The following TC2N variants were observed in gnomAD, a reference collection of about 807,000 sequenced individuals.
TC2N encodes the protein tandem C2 domains, nuclear, also known as tandem C2 domains nuclear protein.
A neutral mutation model predicts 61.9 loss-of-function variants in TC2N; 51 were observed. The ratio of observed to expected loss-of-function variants is 0.82; its 90% CI spans 0.66 to 1.04. The LOEUF is 1.04. Among genes scored for constraint, TC2N ranks in the 50% least tolerant of loss-of-function variants. The pLI is 0.00. For missense variants in TC2N, 556 were observed against 566.7 expected (o/e 0.98, Z 0.19); for synonymous variants, 204 against 192.6 (o/e 1.06, Z -0.49).
intron 4 of TC2N, among the ~76,000 whole-genome samples, chr14:91,801,082 A>G (rs544311610): frequency 0.02 from 2,876 of 146,598 alleles, 117 homozygotes; most frequent in African/African-American, 0.066. Flanking sequence ...GTGTGTGTGT[A>G]TATATATATA....
At chr14:91,863,883 T>C (rs1409197901) in intron 1 of TC2N, among the ~76,000 whole-genome samples, 2 of 146,448 alleles carry the variant, frequency 1.4e-5, no homozygotes, top group Admixed American at 6.8e-5. Flanking sequence ...TAGTCCCAGC[T>C]CCTCGAAAGG....
chr14:91,799,030 G>T lies in TC2N; in HGVS notation c.596C>A (p.Ser199Tyr). ...HDSLSSVPSS[S>Y]SSRKNSQGSN... ...CCCCTGAGAATTTTTCCTTGAAGAA[G>T]AACTACTGGGTACACTGGACAATGA... The change falls in exon 6 of 12, where the codon TCT becomes TAT. Residue 199 changes from serine to tyrosine, a missense_variant. By Grantham distance (144) the Ser-to-Tyr change is moderately radical (BLOSUM62 -2). Transcript: ENST00000435962. 1 of 1,596,942 alleles carries T rather than the reference G, an allele frequency of 6.3e-7. No homozygotes were observed.
intron 1 of TC2N, among the ~76,000 whole-genome samples, chr14:91,860,778 T>C (rs1888574366): frequency 6.6e-6 from 1 of 152,142 alleles, no homozygotes; most frequent in Admixed American, 6.5e-5. Context: ...GTAGTGAGGG[T>C]TGCAGAGATA....
intron 1 of TC2N, among the ~76,000 whole-genome samples, chr14:91,828,471 TTATATTA>T (rs1328187346): frequency 6.6e-6 from 1 of 152,002 alleles, no homozygotes; most frequent in Non-Finnish European, 1.5e-5. Context: ...ATGTTTATAT[TTATATTA>T]TATATCTCTT....
At position 91,782,918 on chromosome 14, in the gene TC2N, A is replaced by C; in HGVS notation, c.*182T>G. The C allele has an allele frequency of 2.0e-6, 1 of 495,584 alleles. No individual in the cohort carries two copies. The highest frequency in any genetic ancestry group is 3.6e-6 in the Non-Finnish European group (1 of 281,226). 30.7% of individuals were successfully genotyped at this position (495,584 alleles called of 1,614,324 possible). On this transcript the variant is annotated 3_prime_UTR_variant, in exon 12 of 12. Transcript: ENST00000435962. ...TTTTAAAACATTTCCTTTACTTTGG[A>C]TATCTGATAAAATTCATTACATTTT...
intron 10 of TC2N, among the ~76,000 whole-genome samples, chr14:91,786,874 T>C (rs1885390590): frequency 6.6e-6 from 1 of 152,222 alleles, no homozygotes; most frequent in African/African-American, 2.4e-5. Context: ...ACTTTAGCTT[T>C]AATACCTTAC....
chr14:91,835,517 T>C (rs962935717), intron 1 of TC2N, among the ~76,000 whole-genome samples: 1 of 152,248 alleles, frequency 6.6e-6, no homozygotes, highest in African/African-American at 2.4e-5. Flanking sequence ...GTATTTTAAA[T>C]GTTCTAAAGA....
intron 1 of TC2N, among the ~76,000 whole-genome samples, chr14:91,838,343 G>T (rs1189018815): frequency 6.6e-6 from 1 of 151,968 alleles, no homozygotes; most frequent in Admixed American, 6.6e-5. Context: ...ACAGGGTCAT[G>T]CTTTGCTGTC....
At chr14:91,805,084 T>C (rs1304809700) in intron 3 of TC2N, among the ~76,000 whole-genome samples, 1 of 152,220 alleles carries the variant, frequency 6.6e-6, no homozygotes, top group Non-Finnish European at 1.5e-5. Context: ...TATAACAACA[T>C]TGTGGTCAAC....
intron 8 of TC2N, among the ~76,000 whole-genome samples, chr14:91,797,201 T>C (rs1171158766): frequency 2.0e-5 from 3 of 152,058 alleles, no homozygotes; most frequent in East Asian, 3.8e-4. Context: ...TGTATTTCTA[T>C]GATTAATAGT....
intron 1 of TC2N, among the ~76,000 whole-genome samples, chr14:91,833,095 A>G (rs1887859074): frequency 6.6e-6 from 1 of 152,208 alleles, no homozygotes. Context: ...AAAAAGATAT[A>G]ATCAGGGAGA....
chr14:91,794,943 A>G (rs1242844638), intron 8 of TC2N, among the ~76,000 whole-genome samples: 1 of 152,214 alleles, frequency 6.6e-6, no homozygotes, highest in Non-Finnish European at 1.5e-5. Flanking sequence ...GATGCCATTA[A>G]GAAAATTCAT....
intron 5 of TC2N, among the ~76,000 whole-genome samples, chr14:91,800,019 CAACT>C (rs750365597): frequency 3.0e-4 from 46 of 151,884 alleles, no homozygotes; most frequent in Non-Finnish European, 6.5e-4. Context: ...TTTTAAATAC[CAACT>C]GTTTCAAGGT....
At chr14:91,813,675 A>AT (rs1886877347) in intron 2 of TC2N, 28 bp downstream of exon 2, 1 of 1,486,472 alleles carries the variant, frequency 6.7e-7, no homozygotes, top group Non-Finnish European at 9.4e-7. Flanking sequence ...TGCTACATAA[A>AT]TGTTACTGAA....
At position 91,792,570 on chromosome 14, in the gene TC2N, A is replaced by C. The variant is rs752769590; in HGVS notation, c.856-12T>G. ...ATAAATTCAATAGCCTTAAAAAAAA[A>C]ACAAGAAAACATAAAATATATAAAT... is the stretch of plus-strand genomic sequence containing the variant. On this transcript the variant is annotated splice_polypyrimidine_tract_variant and intron_variant, in intron 8 of 11. Transcript: ENST00000435962. 3.7e-6 allele frequency: 5 copies of C among 1,360,046 alleles called. No homozygotes were observed. The highest frequency in any genetic ancestry group is 5.0e-6 in the Non-Finnish European group (5 of 996,470). 84.2% of individuals were successfully genotyped at this position (1,360,046 alleles called of 1,614,324 possible). A position where few individuals can be genotyped will look rare whatever the true frequency, so the allele number is the denominator to read the frequency against.
intron 1 of TC2N, among the ~76,000 whole-genome samples, chr14:91,852,699 T>C (rs568006163): frequency 3.1e-4 from 47 of 152,180 alleles, no homozygotes; most frequent in African/African-American, 1.0e-3. Context: ...CATGACATGT[T>C]TGAGGAACAG....
At chr14:91,787,702 A>G in intron 9 of TC2N, 75 bp from the exon 10 acceptor site, 1 of 824,164 alleles carries the variant, frequency 1.2e-6, no homozygotes, top group South Asian at 1.7e-5. Flanking sequence ...AAAGATAAAA[A>G]GCTAAGGTTA....
intron 3 of TC2N, among the ~76,000 whole-genome samples, chr14:91,805,271 GA>G (rs1369725857): frequency 2.0e-5 from 3 of 152,062 alleles, no homozygotes; most frequent in Non-Finnish European, 4.4e-5. Flanking sequence ...GTTTTTAATA[GA>G]AAAAAGCTTA....
In TC2N at chr14:91,844,760, CA is replaced by C. The variant is rs34223127; in HGVS notation, c.-57+22501del. Among the ~76,000 whole-genome samples, 396 of 92,474 alleles carry C rather than the reference CA, an allele frequency of 4.3e-3. 1 individual carries two copies. Among genetic ancestry groups the C allele is most frequent in the African/African-American group, 0.016 (322 of 19,946 alleles). The allele number at this position is 92,474 out of a possible 152,430, so 60.7% of individuals were successfully genotyped here. ...TGGGCGACAGAGCGAGACTCTGTCT[CA>C]AAAAAAAAAAAAAAAAAAAAAAAAA... On this transcript the variant is annotated intron_variant, in intron 1 of 11. Coordinates refer to ENST00000435962, the MANE Select transcript of TC2N (RefSeq NM_001128596.3).
Sources: gnomAD v4.1 joint callset for allele counts (sites outside exome capture counted in the v4.1 genomes callset) on GRCh38, gnomAD v4.1.1 for gene constraint, MANE v1.5 for transcripts, NCBI Gene and HGNC (gene_info 2026-07-23, HGNC 2026-07-21) for gene names.